Variants in RPS6KA5 observed in about 807,000 individuals in gnomAD.
RPS6KA5 encodes the protein ribosomal protein S6 kinase alpha-5.
In RPS6KA5, 27 loss-of-function variants were observed where a neutral mutation model predicts 85.5. The ratio of observed to expected loss-of-function variants is 0.32; its 90% CI spans 0.23 to 0.44. The LOEUF is 0.44. RPS6KA5 is among the 20% of genes least tolerant of loss of function. The pLI, the probability that RPS6KA5 is intolerant of heterozygous loss-of-function variation, is 1.00. For missense variants in RPS6KA5, 811 were observed against 980.9 expected (o/e 0.83, Z 2.31); for synonymous variants, 334 against 348.2 (o/e 0.96, Z 0.46).
intron 14 of RPS6KA5, among the ~76,000 whole-genome samples, chr14:90,884,101 C>G (rs1318308038): frequency 6.6e-6 from 1 of 152,176 alleles, no homozygotes; most frequent in African/African-American, 2.4e-5. Context: ...GACCACTGCC[C>G]TCTTTGCACC....
chr14:90,938,481 C>T lies in RPS6KA5; in HGVS notation c.618+4597G>A, dbSNP rs183798020. On this transcript the variant is annotated intron_variant, in intron 5 of 16. Transcript: ENST00000614987. ...CAGTAGGAACTCTGTGTAGGGGATC[C>T]GACGTCACATTTCCCTTCTGCACTG... is the stretch of plus-strand genomic sequence containing the variant. Among the ~76,000 whole-genome samples the T allele has an allele frequency of 6.0e-4, 92 of 152,326 alleles. 1 individual carries two copies. Among genetic ancestry groups the T allele is most frequent in the African/African-American group, 2.0e-3 (82 of 41,586 alleles).
At chr14:91,010,280 T>A (rs1454889102) in intron 1 of RPS6KA5, among the ~76,000 whole-genome samples, 1 of 152,214 alleles carries the variant, frequency 6.6e-6, no homozygotes, top group Non-Finnish European at 1.5e-5. Context: ...GACATGACTG[T>A]TAAATAGGAT....
At chr14:91,009,740 T>C (rs11625091) in intron 1 of RPS6KA5, among the ~76,000 whole-genome samples, 3,340 of 152,280 alleles carry the variant, frequency 0.022, 45 homozygotes, top group Non-Finnish European at 0.031. Context: ...TAGGCAGCTC[T>C]AGACAAGGAA....
At chr14:91,035,711 G>C (rs905221208) in intron 1 of RPS6KA5, among the ~76,000 whole-genome samples, 1 of 151,892 alleles carries the variant, frequency 6.6e-6, no homozygotes, top group African/African-American at 2.4e-5. Flanking sequence ...TACTGCACAG[G>C]AGGGGGCTAT....
intron 4 of RPS6KA5, among the ~76,000 whole-genome samples, chr14:90,943,845 G>T (rs993151988): frequency 5.3e-5 from 8 of 151,990 alleles, no homozygotes; most frequent in African/African-American, 1.9e-4. Flanking sequence ...GTTGTTTTTT[G>T]TTGTTGTTAT....
chr14:90,921,508 T>G (rs1469591422), intron 6 of RPS6KA5, among the ~76,000 whole-genome samples: 1 of 152,210 alleles, frequency 6.6e-6, no homozygotes, highest in Non-Finnish European at 1.5e-5. Context: ...TTAACAGGTA[T>G]AAATTCCTAC....
At chr14:91,013,744 C>T (rs541324127) in intron 1 of RPS6KA5, among the ~76,000 whole-genome samples, 1 of 152,158 alleles carries the variant, frequency 6.6e-6, no homozygotes, top group East Asian at 1.9e-4. Flanking sequence ...CTTAGAAAGA[C>T]CAGCAGCAGC....
intron 2 of RPS6KA5, among the ~76,000 whole-genome samples, chr14:90,999,387 G>C (rs1161810414): frequency 6.6e-6 from 1 of 152,144 alleles, no homozygotes; most frequent in South Asian, 2.1e-4. Context: ...TCAGGCGCTA[G>C]AACACTCAGG....
intron 5 of RPS6KA5, among the ~76,000 whole-genome samples, chr14:90,940,869 T>C (rs1393446894): frequency 1.3e-5 from 2 of 152,250 alleles, no homozygotes; most frequent in Admixed American, 6.5e-5. Flanking sequence ...GGGATCTAGG[T>C]TGCACATTCC....
At chr14:90,899,449 CAT>C (rs1345619258) in intron 11 of RPS6KA5, 27 bp from the exon 12 acceptor site, 1 of 1,518,558 alleles carries the variant, frequency 6.6e-7, no homozygotes, top group South Asian at 1.1e-5. Context: ...TTAGCATCCA[CAT>C]GTCTCTTCAA....
At chr14:90,975,432 G>A (rs1223117632) in intron 3 of RPS6KA5, among the ~76,000 whole-genome samples, 1 of 152,122 alleles carries the variant, frequency 6.6e-6, no homozygotes. Flanking sequence ...AGGCCCCTAG[G>A]GTGGACCCCA....
chr14:90,947,666 A>G, intron 3 of RPS6KA5, 116 bp from the exon 4 acceptor site: 3 of 627,186 alleles, frequency 4.8e-6, no homozygotes, highest in South Asian at 4.1e-5. Flanking sequence ...ATTGCTATAT[A>G]CAATTTAGCA....
At chr14:90,910,725 G>A (rs1379693682) in intron 7 of RPS6KA5, among the ~76,000 whole-genome samples, 1 of 148,900 alleles carries the variant, frequency 6.7e-6, no homozygotes, top group Non-Finnish European at 1.5e-5. Flanking sequence ...TGGCTCTGTC[G>A]ACCAGGCTGG....
rs193023596 is a variant in RPS6KA5, at chr14:90,984,147, G to A, written c.176-5623C>T. The stretch of plus-strand genomic sequence containing the variant: ...AGGCGTGAGCCACCACACTCGGCCT[G>A]AGATCATGAAGTTCACTGGTATTCC... On this transcript the variant is annotated intron_variant, in intron 2 of 16. Coordinates refer to ENST00000614987, the MANE Select transcript of RPS6KA5 (RefSeq NM_004755.4). Among the ~76,000 whole-genome samples, 430 of 152,228 alleles carry A rather than the reference G, an allele frequency of 2.8e-3. 1 individual carries two copies. Among genetic ancestry groups the A allele is most frequent in the Non-Finnish European group, 4.5e-3 (309 of 67,992 alleles).
chr14:91,034,357 T>C (rs2139853959), intron 1 of RPS6KA5, among the ~76,000 whole-genome samples: 1 of 151,922 alleles, frequency 6.6e-6, no homozygotes. Context: ...ATATTATTCA[T>C]AGCTGTCTGA....
At position 90,865,554 on chromosome 14, in the gene RPS6KA5, T is replaced by C. The variant is rs1372633905; in HGVS notation, c.*6520A>G. The C allele has an allele frequency of 6.6e-6, 1 of 152,194 alleles. No homozygotes were observed. Among genetic ancestry groups the C allele is most frequent in the Non-Finnish European group, 1.5e-5 (1 of 68,032 alleles). The allele number at this position is 152,194 out of a possible 1,614,324, so 9.4% of individuals were successfully genotyped here. ...TATGGGCGCATATATATGTAAACAT[T>C]TATTGAGCTGTATATTTCAGACCTG... On this transcript the variant is annotated 3_prime_UTR_variant, in exon 17 of 17. Transcript: ENST00000614987.
At chr14:90,993,329 A>G (rs1211432797) in intron 2 of RPS6KA5, among the ~76,000 whole-genome samples, 1 of 152,156 alleles carries the variant, frequency 6.6e-6, no homozygotes, top group Non-Finnish European at 1.5e-5. Flanking sequence ...AGTCCCAGCT[A>G]CTCAGGGGGC....
intron 4 of RPS6KA5, among the ~76,000 whole-genome samples, chr14:90,944,434 A>C (rs1473657924): frequency 6.6e-6 from 1 of 151,578 alleles, no homozygotes; most frequent in African/African-American, 2.4e-5. Context: ...TGGGCAACAC[A>C]GTGAGACCCA....
At chr14:90,977,859 A>T (rs1179182589) in intron 3 of RPS6KA5, among the ~76,000 whole-genome samples, 1 of 152,216 alleles carries the variant, frequency 6.6e-6, no homozygotes, top group Non-Finnish European at 1.5e-5. Flanking sequence ...GTTCGAGAGC[A>T]GGCTGGCCAA....
Sources: gnomAD v4.1 joint callset for allele counts (sites outside exome capture counted in the v4.1 genomes callset) on GRCh38, gnomAD v4.1.1 for gene constraint, MANE v1.5 for transcripts, NCBI Gene and HGNC (gene_info 2026-07-23, HGNC 2026-07-21) for gene names.